The following FBXL17 variants were observed in gnomAD, a reference collection of about 807,000 sequenced individuals.
FBXL17 encodes the protein F-box/LRR-repeat protein 17.
FBXL17 carries 22 observed loss-of-function variants against 66.2 expected under a neutral mutation model. The ratio of observed to expected loss-of-function variants is 0.33; its 90% CI spans 0.24 to 0.47. FBXL17 has a LOEUF of 0.47. Among genes scored for constraint, FBXL17 ranks in the 20% least tolerant of loss-of-function variants. The pLI is 1.00. For missense variants in FBXL17, 878 were observed against 948.2 expected (o/e 0.93, Z 0.97); for synonymous variants, 474 against 400.5 (o/e 1.18, Z -2.19).
intron 6 of FBXL17, among the ~76,000 whole-genome samples, chr5:108,089,296 T>C (rs1749098251): frequency 6.6e-6 from 1 of 152,206 alleles, no homozygotes; most frequent in African/African-American, 2.4e-5. Flanking sequence ...AAAATCTTAA[T>C]ATGGCTACAA....
chr5:108,259,963 T>A (rs1231028830), intron 4 of FBXL17, among the ~76,000 whole-genome samples: 1 of 151,014 alleles, frequency 6.6e-6, no homozygotes, highest in Admixed American at 6.6e-5. Flanking sequence ...ACTGGCTTCC[T>A]CTACAAAAAT....
chr5:107,944,737 A>G (rs886260971), intron 7 of FBXL17, among the ~76,000 whole-genome samples: 7 of 152,172 alleles, frequency 4.6e-5, no homozygotes, highest in Non-Finnish European at 7.4e-5. Flanking sequence ...ACACTGAAAA[A>G]AGAATGGACT....
chr5:107,937,505 G>C (rs1750952081), intron 7 of FBXL17, among the ~76,000 whole-genome samples: 1 of 152,156 alleles, frequency 6.6e-6, no homozygotes, highest in Non-Finnish European at 1.5e-5. Context: ...CATGATTACG[G>C]ATCTTACTGC....
intron 6 of FBXL17, among the ~76,000 whole-genome samples, chr5:108,087,463 T>TA (rs547025554): frequency 6.6e-6 from 1 of 152,020 alleles, no homozygotes; most frequent in South Asian, 2.1e-4. Context: ...CAACAGGGAA[T>TA]ATATGCTTGA....
intron 5 of FBXL17, among the ~76,000 whole-genome samples, chr5:108,204,146 T>C (rs1754012680): frequency 6.6e-6 from 1 of 152,078 alleles, no homozygotes; most frequent in African/African-American, 2.4e-5. Context: ...ATAAATATTA[T>C]AAATATAAAT....
At chr5:108,269,107 C>T (rs541857040) in intron 4 of FBXL17, among the ~76,000 whole-genome samples, 1 of 152,152 alleles carries the variant, frequency 6.6e-6, no homozygotes, top group Admixed American at 6.5e-5. Flanking sequence ...TTCCCCTCAG[C>T]TTCAATTTCC....
chr5:108,224,542 C>A (rs914019870), intron 4 of FBXL17, among the ~76,000 whole-genome samples: 10 of 144,894 alleles, frequency 6.9e-5, no homozygotes, highest in African/African-American at 2.6e-4. Context: ...CACACACACA[C>A]ACACACACAC....
rs114110358 is a variant in FBXL17, at chr5:108,069,072, T to A, written c.1746-48071A>T. On this transcript the variant is annotated intron_variant, in intron 6 of 8. Coordinates refer to ENST00000542267, the MANE Select transcript of FBXL17 (RefSeq NM_001163315.3). ...TGTGAGTGTAACACTTTCACACACA[T>A]ACACACACAAACATACACACACCCC... is the stretch of plus-strand genomic sequence containing the variant. Among the ~76,000 whole-genome samples the A allele has an allele frequency of 4.7e-3, 713 of 152,200 alleles. 5 individuals carry two copies. The highest frequency in any genetic ancestry group is 0.016 in the African/African-American group (685 of 41,548).
chr5:107,972,439 G>A (rs1752406482), intron 7 of FBXL17, among the ~76,000 whole-genome samples: 1 of 152,100 alleles, frequency 6.6e-6, no homozygotes. Context: ...CTAGGTAAGT[G>A]TTCATTCATT....
intron 7 of FBXL17, among the ~76,000 whole-genome samples, chr5:107,931,249 TAAA>T: frequency 7.2e-6 from 1 of 139,788 alleles, no homozygotes; most frequent in East Asian, 2.1e-4. Flanking sequence ...CTGTTCATGT[TAAA>T]GAGAATTTTT....
intron 6 of FBXL17, among the ~76,000 whole-genome samples, chr5:108,085,617 T>A (rs1357532831): frequency 1.3e-5 from 2 of 152,208 alleles, no homozygotes; most frequent in South Asian, 4.1e-4. Context: ...GTATGGTACC[T>A]TGGCATACTG....
At chr5:108,133,175 CA>C (rs1338166887) in intron 6 of FBXL17, among the ~76,000 whole-genome samples, 2 of 151,942 alleles carry the variant, frequency 1.3e-5, no homozygotes, top group Non-Finnish European at 2.9e-5. Flanking sequence ...GGAAAAGCAT[CA>C]AAAAAAGTGA....
intron 6 of FBXL17, among the ~76,000 whole-genome samples, chr5:108,124,099 T>C (rs1278380313): frequency 2.6e-5 from 4 of 152,152 alleles, no homozygotes; most frequent in African/African-American, 7.2e-5. Context: ...GCATATTTAC[T>C]AATGCCTAAT....
chr5:108,249,571 C>A (rs1315593401), intron 4 of FBXL17, among the ~76,000 whole-genome samples: 1 of 152,068 alleles, frequency 6.6e-6, no homozygotes, highest in South Asian at 2.1e-4. Context: ...TGCTCTGCAA[C>A]CTTTGAAAGG....
chr5:107,955,308 T>TA (rs1751626018), intron 7 of FBXL17, among the ~76,000 whole-genome samples: 1 of 152,076 alleles, frequency 6.6e-6, no homozygotes, highest in South Asian at 2.1e-4. Flanking sequence ...AAAAAAAAAT[T>TA]AGAGTGTCTA....
intron 7 of FBXL17, among the ~76,000 whole-genome samples, chr5:107,923,372 C>T (rs1170583750): frequency 1.3e-5 from 2 of 152,218 alleles, no homozygotes; most frequent in East Asian, 1.9e-4. Context: ...GGTAAATAGG[C>T]CCTGGTAACT....
intron 4 of FBXL17, among the ~76,000 whole-genome samples, chr5:108,333,591 C>T (rs1760236565): frequency 6.6e-6 from 1 of 151,980 alleles, no homozygotes; most frequent in African/African-American, 2.4e-5. Flanking sequence ...AATCTTTGCT[C>T]TTAATGTAAA....
At chr5:108,139,358 T>C (rs187046790) in intron 6 of FBXL17, among the ~76,000 whole-genome samples, 15 of 152,374 alleles carry the variant, frequency 9.8e-5, no homozygotes, top group African/African-American at 3.6e-4. Flanking sequence ...AATCTGAATT[T>C]ATGAAATTTG....
At chr5:108,010,768 T>C (rs1754145461) in intron 7 of FBXL17, among the ~76,000 whole-genome samples, 1 of 151,136 alleles carries the variant, frequency 6.6e-6, no homozygotes, top group African/African-American at 2.4e-5. Flanking sequence ...TGAGCATCAA[T>C]AAAAAAAAAT....
Sources: gnomAD v4.1 joint callset for allele counts (sites outside exome capture counted in the v4.1 genomes callset) on GRCh38, gnomAD v4.1.1 for gene constraint, MANE v1.5 for transcripts, NCBI Gene and HGNC (gene_info 2026-07-23, HGNC 2026-07-21) for gene names.